Variants in CHRNB1 observed in about 807,000 individuals in gnomAD.
CHRNB1 encodes acetylcholine receptor subunit beta.
CHRNB1 carries 47 observed loss-of-function variants against 53.8 expected under a neutral mutation model. That is an observed-to-expected ratio of 0.87 (90% CI 0.69 to 1.11). The LOEUF (loss-of-function observed/expected upper bound fraction) is 1.11. CHRNB1 is among the 50% of genes most tolerant of loss of function. CHRNB1 has a pLI of 0.00. For missense variants in CHRNB1, 605 were observed against 654.9 expected (o/e 0.92, Z 0.83); for synonymous variants, 259 against 263.5 (o/e 0.98, Z 0.16).
At chr17:7,455,594 A>C in intron 9 of CHRNB1, 138 bp downstream of exon 9, 1 of 1,262,252 alleles carries the variant, frequency 7.9e-7, no homozygotes, top group Admixed American at 1.8e-5. Context: ...CCTGCTGCTC[A>C]CTTTGAGGGG....
chr17:7,450,040 AAAATAAATAAATAAATAAATAAAT>A (rs201151995), intron 7 of CHRNB1, among the ~76,000 whole-genome samples: 1 of 142,888 alleles, frequency 7.0e-6, no homozygotes, highest in Non-Finnish European at 1.5e-5. Flanking sequence ...TCTGTCTCAA[AAAATAAATAAATAAATAAATAAAT>A]AAATAAATAA....
intron 10 of CHRNB1, 78 bp from the exon 11 acceptor site, chr17:7,456,505 G>C: frequency 6.3e-7 from 1 of 1,593,276 alleles, no homozygotes; most frequent in South Asian, 1.1e-5. Context: ...ACTCAAGCGG[G>C]TAGCGGGCGG....
chr17:7,456,515 G>A, intron 10 of CHRNB1, 68 bp from the exon 11 acceptor site: 1 of 1,606,036 alleles, frequency 6.2e-7, no homozygotes, highest in Non-Finnish European at 8.5e-7. Context: ...GTAGCGGGCG[G>A]GGAAATGGGG....
rs77953957 is a variant in CHRNB1 at position 7,447,367 on chromosome 17, C to T, written c.463-136C>T. On this transcript the variant is annotated intron_variant, in intron 5 of 10. Coordinates refer to ENST00000306071, the MANE Select transcript of CHRNB1 (RefSeq NM_000747.3). ...CAGTGACCGCCCTCCCCATCCCTCC[C>T]CCATTAATGGCTTCCCTTCATAACC... The T allele has an allele frequency of 9.3e-4, 1,003 of 1,079,958 alleles. 6 individuals carry two copies. The African/African-American group carries it at 0.013, about 14-fold the overall frequency. The allele number at this position is 1,079,958 out of a possible 1,614,324, so 66.9% of individuals were successfully genotyped here.
At chr17:7,449,316 A>G (rs567842345) in intron 7 of CHRNB1, among the ~76,000 whole-genome samples, 16 of 151,004 alleles carry the variant, frequency 1.1e-4, no homozygotes, top group Non-Finnish European at 1.8e-4. Flanking sequence ...TGTTAGCCAG[A>G]ATGGTCTCGA....
chr17:7,445,838 C>A lies in CHRNB1; in HGVS notation c.199-231C>A. 1 of 623,926 alleles carries A rather than the reference C, an allele frequency of 1.6e-6. No homozygotes were observed. Among genetic ancestry groups the A allele is most frequent in the Non-Finnish European group, 2.8e-6 (1 of 353,534 alleles). 38.6% of individuals were successfully genotyped at this position (623,926 alleles called of 1,614,324 possible). A position where few individuals can be genotyped will look rare whatever the true frequency, so the allele number is the denominator to read the frequency against. ...GGACAGAGCTAGGCGGAGGGCTAGGCAGGGGCGGGTCTGGTAGGTTGATAG... is the reference window on the plus strand; with the variant it reads ...GGACAGAGCTAGGCGGAGGGCTAGGAAGGGGCGGGTCTGGTAGGTTGATAG... On this transcript the variant is annotated intron_variant, in intron 2 of 10. Coordinates refer to ENST00000306071, the MANE Select transcript of CHRNB1 (RefSeq NM_000747.3). The surrounding 1 kb of genome is among the most constrained non-coding windows in gnomAD (Gnocchi z 5.7).
At chr17:7,455,190 G>A in intron 8 of CHRNB1, 94 bp from the exon 9 acceptor site, 1 of 1,377,308 alleles carries the variant, frequency 7.3e-7, no homozygotes, top group Non-Finnish European at 1.0e-6. Flanking sequence ...ATACTCACGC[G>A]CGGGAATGGG....
chr17:7,453,276 C>T (rs1303863420), intron 7 of CHRNB1, among the ~76,000 whole-genome samples: 2 of 152,024 alleles, frequency 1.3e-5, no homozygotes, highest in Non-Finnish European at 2.9e-5. Flanking sequence ...CACCACCATG[C>T]CCAGCTAATT....
At position 7,445,375 on chromosome 17, in the gene CHRNB1, G is replaced by A. The variant is rs747983720; in HGVS notation, c.164G>A (p.Ser55Asn). Residue 55 changes from serine (S) to asparagine (N), a missense_variant, in exon 2 of 11, where the codon AGC becomes AAC. By Grantham distance (46) the Ser-to-Asn change is conservative (BLOSUM62 1). Transcript: ENST00000306071. This position sits in a 1 kb window ranked among gnomAD's most constrained non-coding sequence, Gnocchi z 5.7. ...AREVGDRVRV[S>N]VGLILAQLIS... ...GAGGTGGGAGACCGTGTCAGGGTCA[G>A]CGTTGGTCTCATCCTGGCGCAACTC... is the stretch of plus-strand genomic sequence containing the variant. 8 of 1,612,758 alleles carry A rather than the reference G, an allele frequency of 5.0e-6. No homozygotes were observed. Among genetic ancestry groups the A allele is most frequent in the Non-Finnish European group, 6.8e-6 (8 of 1,179,790 alleles).
chr17:7,447,801 G>A, intron 6 of CHRNB1, 151 bp downstream of exon 6: 1 of 1,005,066 alleles, frequency 9.9e-7, no homozygotes, highest in South Asian at 1.4e-5. Flanking sequence ...GAAATTGCCG[G>A]GGGCAGTGGT....
intron 10 of CHRNB1, 92 bp from the exon 11 acceptor site, chr17:7,456,488 TAGG>T (rs1229143037): frequency 1.4e-5 from 21 of 1,527,178 alleles, no homozygotes; most frequent in South Asian, 5.6e-5. Flanking sequence ...AAACCAGTGG[TAGG>T]AGGACTCAAG....
Position 7,447,106 on chromosome 17 carries a change from G to A in CHRNB1, c.417G>A (p.Val139=). 6.2e-7 allele frequency: 1 copy of A among 1,614,166 alleles called. No homozygotes were observed. The highest frequency in any genetic ancestry group is 1.1e-5 in the South Asian group (1 of 91,082). The part of the protein sequence containing the change: ...ISVVVSSDGS[V]RWQPPGIYRS... Reference sequence around the variant, plus strand: ...TCGTGGTGTCCTCCGACGGCTCCGTGCGTTGGCAACCCCCGGGCATCTATC... The same window carrying A: ...TCGTGGTGTCCTCCGACGGCTCCGTACGTTGGCAACCCCCGGGCATCTATC... The change falls in exon 5 of 11, where the codon GTG becomes GTA. Residue 139 remains valine (V), a synonymous_variant. Transcript: ENST00000306071.
At chr17:7,446,238 AG>A (rs1908605143) in intron 3 of CHRNB1, 125 bp downstream of exon 3, 1 of 856,390 alleles carries the variant, frequency 1.2e-6, no homozygotes, top group Non-Finnish European at 1.9e-6. Flanking sequence ...CTGAAGCAAA[AG>A]CTCGAAGAAA....
chr17:7,446,169 G>T, intron 3 of CHRNB1, 56 bp downstream of exon 3: 1 of 1,413,462 alleles, frequency 7.1e-7, no homozygotes, highest in Non-Finnish European at 1.0e-6. Context: ...CAATTTCCTT[G>T]AATATCCAGC....
At chr17:7,446,331 G>GTGTGTGTGTC (rs1908621355) in intron 3 of CHRNB1, 7 of 172,488 alleles carry the variant, frequency 4.1e-5, no homozygotes, top group South Asian at 2.4e-4. Context: ...GTGTGTCTGT[G>GTGTGTGTGTC]TGTGTGTGTG....
rs1340226289 is a variant in CHRNB1, at chr17:7,456,843, G to C, written c.*120G>C. 2 of 1,373,892 alleles carry C rather than the reference G, an allele frequency of 1.5e-6. No homozygotes were observed. The highest frequency in any genetic ancestry group is 2.4e-5 in the East Asian group (1 of 41,084). The allele number at this position is 1,373,892 out of a possible 1,614,324, so 85.1% of individuals were successfully genotyped here. A position where few individuals can be genotyped will look rare whatever the true frequency, so the allele number is the denominator to read the frequency against. On this transcript the variant is annotated 3_prime_UTR_variant, in exon 11 of 11. Coordinates refer to ENST00000306071, the MANE Select transcript of CHRNB1 (RefSeq NM_000747.3). ...ACGAGGAATCTGGGCCTCTTATTTC[G>C]TTTCTGGGGACTGCATTGGACTGAG...
chr17:7,447,350 G>A (rs1057388950), intron 5 of CHRNB1, 153 bp from the exon 6 acceptor site: 5 of 973,514 alleles, frequency 5.1e-6, no homozygotes, highest in Admixed American at 2.0e-5. Context: ...CTCAGTGACC[G>A]CCCTCCCCAT....
In CHRNB1 at chr17:7,445,458, C is replaced by T. The variant is rs1387012594; in HGVS notation, c.198+49C>T. On this transcript the variant is annotated intron_variant, in intron 2 of 10. Coordinates refer to ENST00000306071, the MANE Select transcript of CHRNB1 (RefSeq NM_000747.3). The surrounding 1 kb of genome is among the most constrained non-coding windows in gnomAD (Gnocchi z 5.7). ...GTCAGGCCAGCCGACCGGCCGGGGGCGTGGCTTTAGGCAAGGCCGGACCAG... is the reference window on the plus strand; with the variant it reads ...GTCAGGCCAGCCGACCGGCCGGGGGTGTGGCTTTAGGCAAGGCCGGACCAG... The T allele has an allele frequency of 1.3e-6, 2 of 1,596,812 alleles. No individual in the cohort carries two copies. The highest frequency in any genetic ancestry group is 2.7e-5 in the African/African-American group (2 of 74,422).
At chr17:7,455,651 G>T in intron 9 of CHRNB1, 143 bp from the exon 10 acceptor site, 1 of 1,297,594 alleles carries the variant, frequency 7.7e-7, no homozygotes, top group Non-Finnish European at 1.1e-6. Context: ...CACAAGGCTA[G>T]AGAGATCACT....
Sources: gnomAD v4.1 joint callset for allele counts (sites outside exome capture counted in the v4.1 genomes callset) on GRCh38, gnomAD v4.1.1 for gene constraint, Gnocchi (gnomAD v3.1) non-coding constraint, MANE v1.5 for transcripts, NCBI Gene and HGNC (gene_info 2026-07-23, HGNC 2026-07-21) for gene names.